The following FBRSL1 variants were observed in gnomAD, a reference collection of about 807,000 sequenced individuals.
The protein encoded by FBRSL1 is fibrosin like 1.
FBRSL1 carries 51 observed loss-of-function variants against 89.6 expected under a neutral mutation model. The ratio of observed to expected loss-of-function variants is 0.57; its 90% CI spans 0.45 to 0.72. The LOEUF is 0.72. FBRSL1 is among the 30% of genes least tolerant of loss of function. The pLI, the probability that FBRSL1 is intolerant of heterozygous loss-of-function variation, is 0.00. For missense variants in FBRSL1, 1,618 were observed against 1,451.8 expected, an observed-to-expected ratio of 1.11 and a Z score of -1.86; for synonymous variants, 779 against 681.1, an observed-to-expected ratio of 1.14 and a Z score of -2.24.
intron 1 of FBRSL1, among the ~76,000 whole-genome samples, chr12:132,497,378 A>T (rs1484396824): frequency 6.6e-6 from 1 of 151,754 alleles, no homozygotes; most frequent in Non-Finnish European, 1.5e-5. Flanking sequence ...AAGTAGGAGG[A>T]CCACAGAGCT....
chr12:132,527,189 G>A (rs2035858311), intron 3 of FBRSL1, among the ~76,000 whole-genome samples: 1 of 152,096 alleles, frequency 6.6e-6, no homozygotes, highest in Admixed American at 6.5e-5. Context: ...GTCTAGCCAG[G>A]GCACCCTCCC....
intron 1 of FBRSL1, among the ~76,000 whole-genome samples, chr12:132,492,688 T>A (rs923445873): frequency 6.6e-6 from 1 of 152,176 alleles, no homozygotes; most frequent in Non-Finnish European, 1.5e-5. Flanking sequence ...TCAGTGGGTT[T>A]TGGTGACTTC....
chr12:132,559,391 G>C (rs1019912923), intron 5 of FBRSL1, among the ~76,000 whole-genome samples: 1 of 152,142 alleles, frequency 6.6e-6, no homozygotes, highest in African/African-American at 2.4e-5. Context: ...CAATGAGGTC[G>C]CTCTTTTTTC....
rs556105933 is a variant in FBRSL1, at chr12:132,578,837, C to T, written c.1834+1906C>T. ...GCCCTGTCCACATAAGGGTGATGGGCGTGCCCAGCAGCCACATGAGGCTGG... is the reference window on the plus strand; with the variant it reads ...GCCCTGTCCACATAAGGGTGATGGGTGTGCCCAGCAGCCACATGAGGCTGG... On this transcript the variant is annotated intron_variant, in intron 15 of 18. Transcript: ENST00000680143. Among the ~76,000 whole-genome samples, 481 of 152,356 alleles carry T rather than the reference C, an allele frequency of 3.2e-3. 3 individuals are homozygous for T. The highest frequency in any genetic ancestry group is 0.011 in the African/African-American group (449 of 41,582).
chr12:132,562,667 G>A (rs1213743442), intron 5 of FBRSL1, among the ~76,000 whole-genome samples: 1 of 117,750 alleles, frequency 8.5e-6, no homozygotes, highest in Non-Finnish European at 1.7e-5. Context: ...TTTAACACAC[G>A]AACGTGCGGG....
chr12:132,574,363 G>A lies in FBRSL1; in HGVS notation c.1629+15G>A. ...CGGTGGTCAAGGTGAGCACGTGTTG[G>A]GAAGGCCCGTGGCAAGGGAGGACTC... On this transcript the variant is annotated intron_variant, in intron 13 of 18. Transcript: ENST00000680143. 1 of 1,549,954 alleles carries A rather than the reference G, an allele frequency of 6.5e-7. No homozygotes were observed. The highest frequency in any genetic ancestry group is 2.4e-5 in the East Asian group (1 of 40,856).
At chr12:132,553,687 G>C (rs57492172) in intron 5 of FBRSL1, 3,840 of 152,330 alleles carry the variant, frequency 0.025, 164 homozygotes, top group African/African-American at 0.087. Context: ...AGGCTTCTCT[G>C]CACTGGTCCC....
intron 10 of FBRSL1, 54 bp from the exon 11 acceptor site, chr12:132,572,473 G>A: frequency 6.6e-7 from 1 of 1,503,768 alleles, no homozygotes; most frequent in South Asian, 1.2e-5. Context: ...GTTACAGGCA[G>A]AGGGTGGGGT....
chr12:132,550,888 C>T (rs556532297), intron 5 of FBRSL1: 32 of 163,890 alleles, frequency 2.0e-4, no homozygotes, highest in Middle Eastern at 3.2e-3. Flanking sequence ...CTTCTCTGCC[C>T]GGCGCTGGGT....
chr12:132,583,049 G>C lies in FBRSL1; in HGVS notation c.2280G>C (p.Leu760=). 1 of 1,451,868 alleles carries C rather than the reference G, an allele frequency of 6.9e-7. No homozygotes were observed. Among genetic ancestry groups the C allele is most frequent in the African/African-American group, 1.5e-5 (1 of 67,018 alleles). The allele number at this position is 1,451,868 out of a possible 1,614,324, so 89.9% of individuals were successfully genotyped here. Residue 760 remains leucine, a synonymous_variant, in exon 19 of 19, where the codon CTG becomes CTC. Transcript: ENST00000680143. ...TPAGHPVSGL[L]LRAQSELGRS... is the part of the protein sequence containing the mutation. ...CTGGCCACCCCGTCAGCGGCCTCCTGCTCCGGGCCCAGAGCGAGCTGGGCC... is the reference window on the plus strand; with the variant it reads ...CTGGCCACCCCGTCAGCGGCCTCCTCCTCCGGGCCCAGAGCGAGCTGGGCC...
chr12:132,523,554 G>A (rs2035542657), intron 2 of FBRSL1, among the ~76,000 whole-genome samples: 1 of 152,166 alleles, frequency 6.6e-6, no homozygotes, highest in Non-Finnish European at 1.5e-5. Flanking sequence ...CGGCTCAGCT[G>A]TGTGGGTGTT....
intron 3 of FBRSL1, 80 bp downstream of exon 3, chr12:132,525,903 C>T: frequency 8.1e-7 from 1 of 1,239,558 alleles, no homozygotes; most frequent in East Asian, 2.6e-5. Flanking sequence ...GGCGTCCAGT[C>T]CGAGTCTGGG....
rs1230396614 is a variant in FBRSL1 at position 132,583,145 on chromosome 12, G to A, written c.2376G>A (p.Glu792=). ...AGAGCCGCTCCCCGGCCAAGGAGGA[G>A]GCCGCCAAGATGCCCGCGCGCGCAT... ...VKESRSPAKE[E]AAKMPARASP... Residue 792 remains glutamate, a synonymous_variant, in exon 19 of 19, where the codon GAG becomes GAA. Coordinates refer to ENST00000680143, the MANE Select transcript of FBRSL1 (RefSeq NM_001367871.1). The A allele has an allele frequency of 6.8e-7, 1 of 1,465,616 alleles. No homozygotes were observed. The highest frequency in any genetic ancestry group is 1.3e-5 in the South Asian group (1 of 78,498). The allele number at this position is 1,465,616 out of a possible 1,614,324, so 90.8% of individuals were successfully genotyped here. A position where few individuals can be genotyped will look rare whatever the true frequency, so the allele number is the denominator to read the frequency against.
chr12:132,581,251 C>G (rs1279747521), intron 15 of FBRSL1, 188 bp from the exon 16 acceptor site: 1 of 730,070 alleles, frequency 1.4e-6, no homozygotes, highest in Non-Finnish European at 1.6e-6. Context: ...CAAGTCAAAC[C>G]TCCTCCGAAT....
intron 14 of FBRSL1, 124 bp downstream of exon 14, chr12:132,574,688 G>A: frequency 8.0e-7 from 1 of 1,246,060 alleles, no homozygotes; most frequent in South Asian, 1.6e-5. Flanking sequence ...CCTCACGCGT[G>A]AGCCGCCTGC....
chr12:132,583,417 G>GCCCCTACCGCGACCGCGAGCC lies in FBRSL1; in HGVS notation c.2651_2671dup (p.Pro884_Pro890dup). The GCCCCTACCGCGACCGCGAGCC allele has an allele frequency of 9.3e-7, 1 of 1,070,126 alleles. No individual in the cohort carries two copies. The highest frequency in any genetic ancestry group is 4.5e-4 in the Middle Eastern group (1 of 2,232). The allele number at this position is 1,070,126 out of a possible 1,614,324, so 66.3% of individuals were successfully genotyped here. On this transcript the variant is annotated inframe_insertion, in exon 19 of 19. Coordinates refer to ENST00000680143, the MANE Select transcript of FBRSL1 (RefSeq NM_001367871.1). ...GCCGCCCTCTTGGAGCCCCCGGAGCGCCCCTACCGCGACCGCGAGCCCCAC... is the reference window on the plus strand; with the variant it reads ...GCCGCCCTCTTGGAGCCCCCGGAGCGCCCCTACCGCGACCGCGAGCCCCCCTACCGCGACCGCGAGCCCCAC...
intron 4 of FBRSL1, among the ~76,000 whole-genome samples, chr12:132,543,986 C>T (rs866748820): frequency 1.3e-5 from 2 of 152,178 alleles, no homozygotes; most frequent in South Asian, 4.1e-4. Flanking sequence ...GAACCCCTGT[C>T]GGGTGCCTCC....
chr12:132,579,959 C>T (rs2040630633), intron 15 of FBRSL1, among the ~76,000 whole-genome samples: 2 of 152,136 alleles, frequency 1.3e-5, no homozygotes, highest in Admixed American at 6.5e-5. Context: ...GGGCAGGCTC[C>T]GTAGCTGTCG....
chr12:132,532,499 G>T (rs988803883), intron 4 of FBRSL1, among the ~76,000 whole-genome samples: 4 of 152,132 alleles, frequency 2.6e-5, no homozygotes, highest in Non-Finnish European at 5.9e-5. Context: ...GCCCCCCCAG[G>T]CCCTTCCTGT....
Sources: allele counts gnomAD v4.1 joint callset (sites outside exome capture counted in the v4.1 genomes callset), GRCh38; gene constraint gnomAD v4.1.1; transcripts MANE v1.5; gene names NCBI Gene and HGNC (gene_info 2026-07-23, HGNC 2026-07-21).